The following KCNU1 variants were observed in gnomAD, a reference collection of about 807,000 sequenced individuals.
The protein encoded by KCNU1 is potassium calcium-activated channel subfamily U member 1.
KCNU1 carries 93 observed loss-of-function variants against 126.8 expected under a neutral mutation model. The observed-to-expected ratio is 0.73, with a 90% CI of 0.62 to 0.87. The LOEUF (loss-of-function observed/expected upper bound fraction) is 0.87, where lower values mean the gene tolerates loss of function less well. KCNU1 is among the 40% of genes least tolerant of loss of function. The probability of loss-of-function intolerance (pLI) is 0.00; values close to 1 mark genes in which losing one functional copy is unlikely to be tolerated. For synonymous variants in KCNU1, 523 were observed against 494.2 expected, an observed-to-expected ratio of 1.06 and a Z score of -0.77; for missense variants, 1,330 against 1,367.1, an observed-to-expected ratio of 0.97 and a Z score of 0.43.
At position 36,922,536 on chromosome 8, in the gene KCNU1, A is replaced by G; in HGVS notation, c.2643A>G (p.Glu881=). Residue 881 remains glutamate, a synonymous_variant, in exon 24 of 27, where the codon GAA becomes GAG. Coordinates refer to ENST00000399881, the MANE Select transcript of KCNU1 (RefSeq NM_001031836.3). ...TTATTGAACAGCTTGGTGGACTGGA[A>G]GGGTCCCTCCAAGAAACAAATCTGC... is the stretch of plus-strand genomic sequence containing the variant. The part of the protein sequence containing the change: ...IHFIEQLGGL[E]GSLQETNLHL... The G allele has an allele frequency of 1.2e-6, 2 of 1,613,570 alleles. No individual in the cohort carries two copies. The highest frequency in any genetic ancestry group is 1.7e-6 in the Non-Finnish European group (2 of 1,179,666).
intron 19 of KCNU1, among the ~76,000 whole-genome samples, chr8:36,894,412 T>C (rs1469907493): frequency 6.6e-6 from 1 of 152,130 alleles, no homozygotes; most frequent in African/African-American, 2.4e-5. Flanking sequence ...TTACTAATGG[T>C]GAATCAATTA....
At chr8:36,895,967 C>T (rs752467593) in intron 19 of KCNU1, among the ~76,000 whole-genome samples, 17 of 152,078 alleles carry the variant, frequency 1.1e-4, no homozygotes, top group Admixed American at 7.2e-4. Context: ...TTTGATAGTA[C>T]CTATCTGTGT....
intron 19 of KCNU1, among the ~76,000 whole-genome samples, chr8:36,892,786 G>A (rs1347315894): frequency 6.6e-6 from 1 of 151,990 alleles, no homozygotes; most frequent in Non-Finnish European, 1.5e-5. Context: ...CTTTGCCTAA[G>A]CCTTCATTTT....
At chr8:36,808,474 C>A (rs141227521) in intron 6 of KCNU1, among the ~76,000 whole-genome samples, 219 of 152,088 alleles carry the variant, frequency 1.4e-3, no homozygotes, top group African/African-American at 5.0e-3. Flanking sequence ...TGTGACTGGG[C>A]GAGTTTCAGA....
chr8:36,803,200 A>C (rs192540875), intron 2 of KCNU1, among the ~76,000 whole-genome samples: 8 of 152,330 alleles, frequency 5.3e-5, no homozygotes, highest in Admixed American at 5.2e-4. Context: ...GAGTCCTTTC[A>C]CAATATACGT....
intron 24 of KCNU1, among the ~76,000 whole-genome samples, chr8:36,927,114 C>G (rs1190439784): frequency 2.6e-5 from 4 of 152,128 alleles, no homozygotes; most frequent in Non-Finnish European, 5.9e-5. Flanking sequence ...GGCAACAAAG[C>G]CCACAGTCAT....
In KCNU1 at chr8:36,825,810, T is replaced by C. The variant is rs556801470; in HGVS notation, c.1107-7744T>C. Among the ~76,000 whole-genome samples, 3 of 152,206 alleles carry C rather than the reference T, an allele frequency of 2.0e-5. No homozygotes were observed. In the East Asian group the frequency reaches 5.8e-4, roughly 29 times the overall value. On this transcript the variant is annotated intron_variant, in intron 10 of 26. Coordinates refer to ENST00000399881, the MANE Select transcript of KCNU1 (RefSeq NM_001031836.3). ...TTTCATTGAAGGACAATTTCACAGA[T>C]ACAGAGTTACAAGCTGGCAGTTTAT...
Position 36,836,331 on chromosome 8 carries a change from G to A in KCNU1, c.1331G>A (p.Arg444Lys). 1 of 1,607,344 alleles carries A rather than the reference G, an allele frequency of 6.2e-7. No individual in the cohort carries two copies. The highest frequency in any genetic ancestry group is 8.5e-7 in the Non-Finnish European group (1 of 1,174,718). ...LSIKNYDSTT[R>K]IIIQILQSHN... Reference sequence around the variant, plus strand: ...ATCAAGAACTATGATTCTACCACCAGAATCATCATACAGATACTGCAATCC... The same window carrying A: ...ATCAAGAACTATGATTCTACCACCAAAATCATCATACAGATACTGCAATCC... Residue 444 changes from arginine to lysine, a missense_variant, in exon 13 of 27, where the codon AGA (arginine) becomes AAA (lysine). Arg to Lys is a conservative substitution (Grantham distance 26). Transcript: ENST00000399881.
chr8:36,835,908 G>A (rs1804729449), intron 12 of KCNU1, among the ~76,000 whole-genome samples: 2 of 152,140 alleles, frequency 1.3e-5, no homozygotes, highest in South Asian at 2.1e-4. Flanking sequence ...TGTAAAATGG[G>A]GAAGTTGAAT....
In KCNU1 at chr8:36,911,065, A is replaced by G; in HGVS notation, c.2467A>G (p.Thr823Ala). 6.2e-7 allele frequency: 1 copy of G among 1,613,648 alleles called. No homozygotes were observed. Among genetic ancestry groups the G allele is most frequent in the Non-Finnish European group, 8.5e-7 (1 of 1,179,748 alleles). The change falls in exon 22 of 27, where the codon ACC (threonine) becomes GCC (alanine). Residue 823 changes from threonine to alanine, a missense_variant. Thr to Ala is a moderately conservative substitution (Grantham distance 58). Around this residue, in one of 3 missense-constraint regions of KCNU1, gnomAD observed 1,054 missense variants for 1,053.9 expected, o/e 1.00. Coordinates refer to ENST00000399881, the MANE Select transcript of KCNU1 (RefSeq NM_001031836.3). Reference sequence around the variant, plus strand: ...CACAGAAGCCATCATGGCAACCCTCACCATCGGATCCTTGCAAATTGACTC... The same window carrying G: ...CACAGAAGCCATCATGGCAACCCTCGCCATCGGATCCTTGCAAATTGACTC... ...VDTEAIMATL[T>A]IGSLQIDSSS...
chr8:36,830,872 A>T (rs1585427670), intron 10 of KCNU1, among the ~76,000 whole-genome samples: 1 of 150,446 alleles, frequency 6.6e-6, no homozygotes, highest in Non-Finnish European at 1.5e-5. Context: ...CTCGTCATCT[A>T]GCATTAGGTA....
chr8:36,893,396 A>AT (rs1807054122), intron 19 of KCNU1, among the ~76,000 whole-genome samples: 1 of 151,036 alleles, frequency 6.6e-6, no homozygotes, highest in African/African-American at 2.4e-5. Flanking sequence ...ACTGCTGATT[A>AT]TTTTTTTAAA....
Position 36,864,505 on chromosome 8 carries a change from T to C in KCNU1, c.1993T>C (p.Ser665Pro). Reference sequence around the variant, plus strand: ...GGTATCTGCAAGCACTTCGAGCATATCAAACTTCACCACCAGGTAAAAGCT... The same window carrying C: ...GGTATCTGCAAGCACTTCGAGCATACCAAACTTCACCACCAGGTAAAAGCT... ...PRVSASTSSISNFTTRTLQHD... is the reference protein window; with the variant it reads ...PRVSASTSSIPNFTTRTLQHD... The change falls in exon 19 of 27, where the codon TCA (serine) becomes CCA (proline). Residue 665 changes from serine (S) to proline (P), a missense_variant. By Grantham distance (74) the Ser-to-Pro change is moderately conservative. Coordinates refer to ENST00000399881, the MANE Select transcript of KCNU1 (RefSeq NM_001031836.3). 1.9e-6 allele frequency: 3 copies of C among 1,608,012 alleles called. No homozygotes were observed. Among genetic ancestry groups the C allele is most frequent in the African/African-American group, 1.3e-5 (1 of 74,902 alleles).
At chr8:36,834,680 T>C (rs1804681263) in intron 11 of KCNU1, 106 bp from the exon 12 acceptor site, 1 of 661,270 alleles carries the variant, frequency 1.5e-6, no homozygotes, top group Admixed American at 2.6e-5. Flanking sequence ...TGTCCTCTTT[T>C]GTGTTAGCAA....
At chr8:36,899,778 CA>C (rs760662931) in intron 19 of KCNU1, among the ~76,000 whole-genome samples, 6 of 152,112 alleles carry the variant, frequency 3.9e-5, no homozygotes, top group Non-Finnish European at 5.9e-5. Context: ...GTTTTCTGCA[CA>C]ACATGGAAGG....
intron 24 of KCNU1, chr8:36,922,885 C>A: frequency 1.8e-6 from 1 of 570,528 alleles, no homozygotes; most frequent in Non-Finnish European, 3.3e-6. Context: ...GAGTGAGTGT[C>A]GGCCTCTCAG....
intron 24 of KCNU1, among the ~76,000 whole-genome samples, chr8:36,926,056 A>G (rs1046444913): frequency 1.3e-5 from 2 of 152,152 alleles, no homozygotes; most frequent in African/African-American, 4.8e-5. Context: ...AGATAATATC[A>G]AGAATCATAG....
At chr8:36,848,677 A>G (rs1172436415) in intron 18 of KCNU1, among the ~76,000 whole-genome samples, 1 of 152,056 alleles carries the variant, frequency 6.6e-6, no homozygotes, top group African/African-American at 2.4e-5. Context: ...TTCTCTCCAC[A>G]TTTCTCCCCG....
At chr8:36,784,695 A>G (rs1365237286) in intron 1 of KCNU1, 90 bp downstream of exon 1, 8 of 1,040,380 alleles carry the variant, frequency 7.7e-6, no homozygotes, top group Non-Finnish European at 1.1e-5. Context: ...AGCTTCATTC[A>G]GTTTTTCAAG....
Sources: gnomAD v4.1 joint callset for allele counts (sites outside exome capture counted in the v4.1 genomes callset) on GRCh38, gnomAD v4.1.1 for gene constraint, gnomAD v4.1.1 regional missense constraint, MANE v1.5 for transcripts, NCBI Gene and HGNC (gene_info 2026-07-23, HGNC 2026-07-21) for gene names.